The following EPSTI1 variants were observed in gnomAD, a reference collection of about 807,000 sequenced individuals.
EPSTI1 encodes epithelial stromal interaction 1, also known as epithelial-stromal interaction protein 1.
In EPSTI1, 66 loss-of-function variants were observed where a neutral mutation model predicts 49.9. The ratio of observed to expected loss-of-function variants is 1.32; its 90% CI spans 1.08 to 1.62. The LOEUF (loss-of-function observed/expected upper bound fraction) is 1.62, where lower values mean the gene tolerates loss of function less well. Among genes scored for constraint, EPSTI1 ranks in the 40% most tolerant of loss-of-function variants. The pLI is 0.00. For synonymous variants in EPSTI1, 137 were observed against 130.7 expected (o/e 1.05, Z -0.33); for missense variants, 394 against 365.5 (o/e 1.08, Z -0.64).
intron 5 of EPSTI1, among the ~76,000 whole-genome samples, chr13:42,961,985 G>C (rs759330144): frequency 6.6e-6 from 1 of 152,136 alleles, no homozygotes; most frequent in African/African-American, 2.4e-5. Context: ...TTCCACACTG[G>C]CAATGTGAAA....
intron 7 of EPSTI1, among the ~76,000 whole-genome samples, chr13:42,918,336 T>C (rs1231139429): frequency 6.6e-6 from 1 of 152,188 alleles, no homozygotes; most frequent in Non-Finnish European, 1.5e-5. Flanking sequence ...TGTTTATTTG[T>C]CATATGCTTT....
intron 7 of EPSTI1, among the ~76,000 whole-genome samples, chr13:42,923,082 A>C (rs2038063390): frequency 2.0e-5 from 3 of 152,232 alleles, no homozygotes; most frequent in South Asian, 2.1e-4. Context: ...GAAAGGGGCC[A>C]TTCTAAAGAA....
chr13:42,932,623 T>TAA lies in EPSTI1; in HGVS notation c.564-6196_564-6195dup, dbSNP rs112618216. Reference sequence around the variant, plus strand: ...AATCACCATTAGGCAAACATCCAGGTAAAAAAAAAAAAAAATGTTGGCAAG... The same window carrying TAA: ...AATCACCATTAGGCAAACATCCAGGTAAAAAAAAAAAAAAAAATGTTGGCAAG... On this transcript the variant is annotated intron_variant, in intron 6 of 10. Coordinates refer to ENST00000313624, the MANE Select transcript of EPSTI1 (RefSeq NM_033255.5). Among the ~76,000 whole-genome samples, 273 of 138,032 alleles carry TAA rather than the reference T, an allele frequency of 2.0e-3. 3 individuals are homozygous for TAA. The highest frequency in any genetic ancestry group is 7.0e-3 in the East Asian group (34 of 4,828). 90.6% of individuals were successfully genotyped at this position (138,032 alleles called of 152,430 possible).
chr13:42,903,171 G>A (rs1263439551), intron 8 of EPSTI1, among the ~76,000 whole-genome samples: 1 of 151,808 alleles, frequency 6.6e-6, no homozygotes. Context: ...GACAAAAAAA[G>A]TATAAAATAC....
chr13:42,890,696 A>G (rs964400544), intron 10 of EPSTI1, among the ~76,000 whole-genome samples: 17 of 152,144 alleles, frequency 1.1e-4, no homozygotes, highest in African/African-American at 3.9e-4. Context: ...TAGTTTTTAC[A>G]TATTGATCTT....
chr13:42,969,038 A>G (rs2039697971), intron 3 of EPSTI1, 56 bp downstream of exon 3: 4 of 1,551,770 alleles, frequency 2.6e-6, no homozygotes, highest in Non-Finnish European at 2.7e-6. Context: ...AGCTGCTTAC[A>G]GGATCCATAG....
chr13:42,899,659 C>A (rs553884105), intron 9 of EPSTI1, among the ~76,000 whole-genome samples: 2 of 152,278 alleles, frequency 1.3e-5, no homozygotes, highest in African/African-American at 4.8e-5. Context: ...CTCCAAGATA[C>A]TCAAGTACAC....
chr13:42,981,860 T>C (rs1325559418), intron 1 of EPSTI1, among the ~76,000 whole-genome samples: 1 of 152,182 alleles, frequency 6.6e-6, no homozygotes, highest in Non-Finnish European at 1.5e-5. Flanking sequence ...TTTTCAGTTA[T>C]ATATACCCTA....
At chr13:42,946,046 G>C (rs895631533) in intron 6 of EPSTI1, among the ~76,000 whole-genome samples, 2 of 152,168 alleles carry the variant, frequency 1.3e-5, no homozygotes, top group Non-Finnish European at 2.9e-5. Context: ...CCTACCATAT[G>C]GGTAAGGGAT....
At chr13:42,912,132 G>A (rs563747679) in intron 8 of EPSTI1, among the ~76,000 whole-genome samples, 4 of 152,292 alleles carry the variant, frequency 2.6e-5, no homozygotes, top group Non-Finnish European at 5.9e-5. Context: ...AATGCAATCA[G>A]CTTATCACAT....
chr13:42,901,226 G>A (rs991495376), intron 8 of EPSTI1, among the ~76,000 whole-genome samples: 4 of 152,126 alleles, frequency 2.6e-5, no homozygotes, highest in South Asian at 4.1e-4. Flanking sequence ...ATACTGTCAC[G>A]TCTTAACACA....
intron 8 of EPSTI1, among the ~76,000 whole-genome samples, chr13:42,904,682 A>C (rs1594620859): frequency 6.6e-6 from 1 of 152,246 alleles, no homozygotes; most frequent in Non-Finnish European, 1.5e-5. Flanking sequence ...ACAATGGAAC[A>C]GTTACAAAGA....
rs2038186158 is a variant in EPSTI1 at position 42,926,555 on chromosome 13, AGTTAC to A, written c.564-131_564-127del. The A allele has an allele frequency of 7.1e-5, 50 of 708,286 alleles. No homozygotes were observed. The East Asian group carries it at 1.2e-3, about 17-fold the overall frequency. The allele number at this position is 708,286 out of a possible 1,614,324, so 43.9% of individuals were successfully genotyped here. A position where few individuals can be genotyped will look rare whatever the true frequency, so the allele number is the denominator to read the frequency against. On this transcript the variant is annotated intron_variant, in intron 6 of 10. Transcript: ENST00000313624. ...TAAAATTATCTTCAGCAGAACAGAA[AGTTAC>A]GTTGAGAACAAGGTGTAGCAGAAAT...
At chr13:42,910,775 A>C (rs2037647954) in intron 8 of EPSTI1, among the ~76,000 whole-genome samples, 1 of 152,216 alleles carries the variant, frequency 6.6e-6, no homozygotes, top group Non-Finnish European at 1.5e-5. Context: ...GTTTTCTATC[A>C]AATAACTTTG....
At chr13:42,920,928 C>G (rs928497657) in intron 7 of EPSTI1, among the ~76,000 whole-genome samples, 4 of 151,700 alleles carry the variant, frequency 2.6e-5, no homozygotes, top group South Asian at 2.1e-4. Context: ...CTTCTTCCCC[C>G]CAAAAAAACC....
At chr13:42,964,192 C>A in intron 3 of EPSTI1, 53 bp from the exon 4 acceptor site, 1 of 1,448,542 alleles carries the variant, frequency 6.9e-7, no homozygotes, top group South Asian at 1.2e-5. Context: ...GCTGAAATGT[C>A]AGCCATCGAG....
intron 10 of EPSTI1, among the ~76,000 whole-genome samples, chr13:42,890,423 A>G (rs1489452314): frequency 1.3e-5 from 2 of 149,858 alleles, no homozygotes; most frequent in East Asian, 2.0e-4. Flanking sequence ...TCAGCCTCCC[A>G]AGTAGCTGGG....
chr13:42,969,236 C>A, intron 2 of EPSTI1, 59 bp from the exon 3 acceptor site: 1 of 1,513,852 alleles, frequency 6.6e-7, no homozygotes, highest in African/African-American at 1.4e-5. Context: ...GAAAACCAGT[C>A]CCTTCAAAGC....
At position 42,955,061 on chromosome 13, in the gene EPSTI1, G is replaced by A. The variant is rs1260016169; in HGVS notation, c.490-1040C>T. Among the ~76,000 whole-genome samples the A allele has an allele frequency of 3.3e-5, 5 of 152,104 alleles. No individual in the cohort carries two copies. In the South Asian group the frequency reaches 6.2e-4, roughly 19 times the overall value. ...AAAGGCAAAATGGATGATGATTTCA[G>A]TTTCAGAAAAAAACTAAAGGAAATT... On this transcript the variant is annotated intron_variant, in intron 5 of 10. Coordinates refer to ENST00000313624, the MANE Select transcript of EPSTI1 (RefSeq NM_033255.5).
Sources: gnomAD v4.1 joint callset for allele counts (sites outside exome capture counted in the v4.1 genomes callset) on GRCh38, gnomAD v4.1.1 for gene constraint, MANE v1.5 for transcripts, NCBI Gene and HGNC (gene_info 2026-07-23, HGNC 2026-07-21) for gene names.